Variants in IPO13 observed in about 807,000 individuals in gnomAD.
The protein encoded by IPO13 is importin-13.
Under a neutral mutation model 115.5 loss-of-function variants are expected in IPO13, and 28 were observed. The observed-to-expected ratio is 0.24, with a 90% CI of 0.18 to 0.33. The LOEUF (loss-of-function observed/expected upper bound fraction) is 0.33, where lower values mean the gene tolerates loss of function less well. Ranked by LOEUF, IPO13 falls within the 10% of genes least tolerant of loss-of-function variation. The pLI is 1.00. For synonymous variants in IPO13, 414 were observed against 478.9 expected, an observed-to-expected ratio of 0.86 and a Z score of 1.77; for missense variants, 785 against 1,204.6, an observed-to-expected ratio of 0.65 and a Z score of 5.16.
At chr1:43,957,926 A>G in intron 7 of IPO13, 51 bp from the exon 8 acceptor site, 1 of 1,585,056 alleles carries the variant, frequency 6.3e-7, no homozygotes. Flanking sequence ...ACATGGTACA[A>G]AGCCAGCCTG....
chr1:43,948,745 A>G (rs1159733923), intron 1 of IPO13, among the ~76,000 whole-genome samples: 2 of 152,228 alleles, frequency 1.3e-5, no homozygotes, highest in Non-Finnish European at 2.9e-5. Context: ...GTTGGAATTG[A>G]GACCCCGGGG....
chr1:43,960,034 G>C (rs2085278708), intron 11 of IPO13, among the ~76,000 whole-genome samples: 1 of 152,156 alleles, frequency 6.6e-6, no homozygotes, highest in African/African-American at 2.4e-5. Context: ...GGCTTCCTTT[G>C]AGATGATCCC....
At position 43,958,453 on chromosome 1, in the gene IPO13, C is replaced by T. The variant is rs779554805; in HGVS notation, c.1750-8C>T. The T allele has an allele frequency of 3.1e-6, 5 of 1,613,782 alleles. No individual in the cohort carries two copies. The South Asian group carries it at 5.5e-5, about 18-fold the overall frequency. On this transcript the variant is annotated splice_polypyrimidine_tract_variant and splice_region_variant and intron_variant, in intron 9 of 19. Transcript: ENST00000372343. The surrounding 1 kb of genome is among the most constrained non-coding windows in gnomAD (Gnocchi z 6.3). Reference sequence around the variant, plus strand: ...GCCAGGACTGACCATCCATGTTCTGCCCCACAGACAAGCCAGTGCATGTGG... The same window carrying T: ...GCCAGGACTGACCATCCATGTTCTGTCCCACAGACAAGCCAGTGCATGTGG...
At chr1:43,964,622 G>T (rs2085310082) in intron 15 of IPO13, among the ~76,000 whole-genome samples, 1 of 152,214 alleles carries the variant, frequency 6.6e-6, no homozygotes, top group African/African-American at 2.4e-5. Context: ...GCGCCCAGCA[G>T]CTTCTTGTTG....
chr1:43,958,234 C>T lies in IPO13; in HGVS notation c.1723-8C>T, dbSNP rs1401780226. 5 of 1,614,054 alleles carry T rather than the reference C, an allele frequency of 3.1e-6. No individual in the cohort carries two copies. Among genetic ancestry groups the T allele is most frequent in the African/African-American group, 1.3e-5 (1 of 74,914 alleles). On this transcript the variant is annotated splice_polypyrimidine_tract_variant and splice_region_variant and intron_variant, in intron 8 of 19. Transcript: ENST00000372343. This position sits in a 1 kb window ranked among gnomAD's most constrained non-coding sequence, Gnocchi z 6.3. ...TGCTGATACTACATTCCTTCTTTCTCCCCTCAGGATGTGCTGATGAAACAG... is the reference window on the plus strand; with the variant it reads ...TGCTGATACTACATTCCTTCTTTCTTCCCTCAGGATGTGCTGATGAAACAG...
chr1:43,957,330 T>G lies in IPO13; in HGVS notation c.1392+15T>G, dbSNP rs780162258. On this transcript the variant is annotated intron_variant, in intron 6 of 19. Coordinates refer to ENST00000372343, the MANE Select transcript of IPO13 (RefSeq NM_014652.4). ...ACTCCTGGCAGGTACCTCCCAAGCCTGATTCCCTCAGCCTTCCCAGACCTG... is the reference window on the plus strand; with the variant it reads ...ACTCCTGGCAGGTACCTCCCAAGCCGGATTCCCTCAGCCTTCCCAGACCTG... 2 of 1,613,396 alleles carry G rather than the reference T, an allele frequency of 1.2e-6. No individual in the cohort carries two copies.
rs1346787386 is a variant in IPO13 at position 43,967,543 on chromosome 1, T to C, written c.2796-43T>C. 2 of 1,613,986 alleles carry C rather than the reference T, an allele frequency of 1.2e-6. No homozygotes were observed. The highest frequency in any genetic ancestry group is 1.7e-6 in the Non-Finnish European group (2 of 1,179,894). On this transcript the variant is annotated intron_variant, in intron 19 of 19. Coordinates refer to ENST00000372343, the MANE Select transcript of IPO13 (RefSeq NM_014652.4). The surrounding 1 kb of genome is among the most constrained non-coding windows in gnomAD (Gnocchi z 6.1). The stretch of plus-strand genomic sequence containing the variant: ...CTGGGGTCAGGCAGAGAGGGGGCAG[T>C]GGTGGTGGCTGGTGCTAACCTGCTC...
chr1:43,966,683 A>G lies in IPO13; in HGVS notation c.2465-41A>G, dbSNP rs749284262. ...GGACAGGTGGGCCTGGGGCTCCCCTAGAAGGATCGTTAAACTGATCTGCCT... is the reference window on the plus strand; with the variant it reads ...GGACAGGTGGGCCTGGGGCTCCCCTGGAAGGATCGTTAAACTGATCTGCCT... On this transcript the variant is annotated intron_variant, in intron 16 of 19. Coordinates refer to ENST00000372343, the MANE Select transcript of IPO13 (RefSeq NM_014652.4). The surrounding 1 kb of genome is among the most constrained non-coding windows in gnomAD (Gnocchi z 4.1). 1 of 1,613,910 alleles carries G rather than the reference A, an allele frequency of 6.2e-7. No homozygotes were observed. The highest frequency in any genetic ancestry group is 8.5e-7 in the Non-Finnish European group (1 of 1,179,906).
At chr1:43,948,128 G>A (rs771101807) in intron 1 of IPO13, among the ~76,000 whole-genome samples, 1 of 152,238 alleles carries the variant, frequency 6.6e-6, no homozygotes, top group Non-Finnish European at 1.5e-5. Flanking sequence ...GGGTTGTTTT[G>A]ACTCTTTGGA....
Position 43,967,344 on chromosome 1 carries a change from C to T in IPO13, c.2643C>T (p.Leu881=). The change falls in exon 19 of 20, where the codon CTC becomes CTT. Residue 881 remains leucine (L), a synonymous_variant. Coordinates refer to ENST00000372343, the MANE Select transcript of IPO13 (RefSeq NM_014652.4). The surrounding 1 kb of genome is among the most constrained non-coding windows in gnomAD (Gnocchi z 6.1). ...TTGGGGGCCAGGCCTCCCGCAGCCT[C>T]ATGGACTGCTTTGCCGATATCCTGT... The part of the protein sequence containing the change: ...EAIGGQASRS[L]MDCFADILFA... 6 of 1,614,090 alleles carry T rather than the reference C, an allele frequency of 3.7e-6. No homozygotes were observed. Among genetic ancestry groups the T allele is most frequent in the Non-Finnish European group, 4.2e-6 (5 of 1,180,002 alleles).
At chr1:43,953,058 G>A (rs117887225) in intron 2 of IPO13, among the ~76,000 whole-genome samples, 1 of 152,342 alleles carries the variant, frequency 6.6e-6, no homozygotes, top group East Asian at 1.9e-4. Flanking sequence ...CGCCCAGCCA[G>A]TCTCAAGGGC....
intron 2 of IPO13, among the ~76,000 whole-genome samples, chr1:43,951,264 C>T (rs1200417758): frequency 6.6e-6 from 1 of 152,198 alleles, no homozygotes; most frequent in Non-Finnish European, 1.5e-5. Flanking sequence ...CTCAGGAGCT[C>T]ACAGTCTAGT....
intron 1 of IPO13, among the ~76,000 whole-genome samples, chr1:43,948,128 G>T (rs771101807): frequency 6.6e-6 from 1 of 152,238 alleles, no homozygotes; most frequent in Non-Finnish European, 1.5e-5. Context: ...GGGTTGTTTT[G>T]ACTCTTTGGA....
chr1:43,958,990 T>G lies in IPO13; in HGVS notation c.2028+101T>G. 8.4e-7 allele frequency: 1 copy of G among 1,189,754 alleles called. No individual in the cohort carries two copies. The highest frequency in any genetic ancestry group is 1.2e-6 in the Non-Finnish European group (1 of 826,792). The allele number at this position is 1,189,754 out of a possible 1,614,324, so 73.7% of individuals were successfully genotyped here. On this transcript the variant is annotated intron_variant, in intron 11 of 19. Coordinates refer to ENST00000372343, the MANE Select transcript of IPO13 (RefSeq NM_014652.4). The surrounding 1 kb of genome is among the most constrained non-coding windows in gnomAD (Gnocchi z 6.3). The stretch of plus-strand genomic sequence containing the variant: ...TCACTCTTCAATTCTGTGGGTAATG[T>G]TGTCATTGTTCTCCCTGCCCCGTGG...
At position 43,960,465 on chromosome 1, in the gene IPO13, G is replaced by A. The variant is rs1005759523; in HGVS notation, c.2109+136G>A. On this transcript the variant is annotated intron_variant, in intron 12 of 19. Transcript: ENST00000372343. The stretch of plus-strand genomic sequence containing the variant: ...GTGAATCCTGCCCCATAGAGATAAG[G>A]AATCTTTTGGGAAGACATTTAGAAC... The A allele has an allele frequency of 1.5e-5, 12 of 780,440 alleles. No individual in the cohort carries two copies. In the African/African-American group the frequency reaches 1.6e-4, roughly 10 times the overall value. 48.3% of individuals were successfully genotyped at this position (780,440 alleles called of 1,614,324 possible).
intron 2 of IPO13, chr1:43,953,119 G>A (rs1175301811): frequency 6.6e-6 from 1 of 152,196 alleles, no homozygotes; most frequent in Non-Finnish European, 1.5e-5. Flanking sequence ...AGCGAGCAAG[G>A]AGCCAGTGAG....
In IPO13 at chr1:43,960,337, C is replaced by T. The variant is rs2154302315; in HGVS notation, c.2109+8C>T. 2 of 1,613,246 alleles carry T rather than the reference C, an allele frequency of 1.2e-6. No homozygotes were observed. The highest frequency in any genetic ancestry group is 2.2e-5 in the South Asian group (2 of 91,048). On this transcript the variant is annotated splice_region_variant and intron_variant, in intron 12 of 19. Transcript: ENST00000372343. ...GATGCCCAGGTTGTGGAGGTGAGCC[C>T]TGACCCTTGCCCTCCGCTCCCATAG...
intron 2 of IPO13, among the ~76,000 whole-genome samples, chr1:43,955,029 G>T (rs1197646552): frequency 6.6e-6 from 1 of 152,132 alleles, no homozygotes; most frequent in Non-Finnish European, 1.5e-5. Flanking sequence ...TAGCTCCACC[G>T]TCTACTTAGT....
chr1:43,956,614 G>A lies in IPO13; in HGVS notation c.1017G>A (p.Met339Ile). The change falls in exon 4 of 20, where the codon ATG (methionine) becomes ATA (isoleucine). Residue 339 changes from methionine to isoleucine, a missense_variant. Transcript: ENST00000372343. This position sits in a 1 kb window ranked among gnomAD's most constrained non-coding sequence, Gnocchi z 4.7. The stretch of plus-strand genomic sequence containing the variant: ...AGAGTTTCCTGGCACTCGTCAACAT[G>A]ATTATGTTCTGCACAGGCATCCCTG... ...HWQSFLALVN[M>I]IMFCTGIPGH... 1.2e-6 allele frequency: 2 copies of A among 1,614,224 alleles called. No homozygotes were observed. The highest frequency in any genetic ancestry group is 1.7e-6 in the Non-Finnish European group (2 of 1,180,044).
Sources: gnomAD v4.1 joint callset for allele counts (sites outside exome capture counted in the v4.1 genomes callset) on GRCh38, gnomAD v4.1.1 for gene constraint, Gnocchi (gnomAD v3.1) non-coding constraint, MANE v1.5 for transcripts, NCBI Gene and HGNC (gene_info 2026-07-23, HGNC 2026-07-21) for gene names.